The following CACNA1A variants were observed in gnomAD, a reference collection of about 807,000 sequenced individuals.
CACNA1A encodes calcium voltage-gated channel subunit alpha1 A, also known as voltage-dependent P/Q-type calcium channel subunit alpha-1A.
In CACNA1A, 57 loss-of-function variants were observed where a neutral mutation model predicts 262.4. The observed-to-expected ratio is 0.22, with a 90% confidence interval of 0.18 to 0.27. CACNA1A has a LOEUF of 0.27. CACNA1A is among the 10% of genes least tolerant of loss of function. The pLI is 1.00. For synonymous variants in CACNA1A, 1,431 were observed against 1,419.3 expected (o/e 1.01, Z -0.18); for missense variants, 2,526 against 3,562.8 (o/e 0.71, Z 7.41).
chr19:13,262,864 G>C lies in CACNA1A; in HGVS notation c.3990-31C>G, dbSNP rs368606360. On this transcript the variant is annotated intron_variant, in intron 24 of 46. Transcript: ENST00000360228. ...GAGGAATGTTTAGGTGGGAAGAAGG[G>C]AAGAGAGGAAGCAGAGGTCAGGTTG... 2.7e-6 allele frequency: 4 copies of C among 1,491,122 alleles called. No homozygotes were observed. The South Asian group carries it at 3.5e-5, about 13-fold the overall frequency. The allele number at this position is 1,491,122 out of a possible 1,614,324, so 92.4% of individuals were successfully genotyped here.
intron 17 of CACNA1A, among the ~76,000 whole-genome samples, chr19:13,302,214 C>T (rs904216968): frequency 1.3e-5 from 2 of 152,194 alleles, no homozygotes; most frequent in South Asian, 4.1e-4. Context: ...AATTCCAACT[C>T]TCCCTGACTT....
intron 30 of CACNA1A, among the ~76,000 whole-genome samples, chr19:13,248,991 C>T (rs550305480): frequency 1.7e-4 from 26 of 152,128 alleles, no homozygotes; most frequent in African/African-American, 6.0e-4. Flanking sequence ...TTTTTAGAGT[C>T]CGGGTCTTGT....
At chr19:13,363,122 C>T (rs1008034043) in intron 5 of CACNA1A, 1 of 152,216 alleles carries the variant, frequency 6.6e-6, no homozygotes, top group Non-Finnish European at 1.5e-5. Flanking sequence ...GCTTCCTCCC[C>T]TCTGGTGGCA....
chr19:13,208,660 A>G, intron 46 of CACNA1A, 96 bp downstream of exon 46: 1 of 1,387,670 alleles, frequency 7.2e-7, no homozygotes, highest in Admixed American at 2.7e-5. Context: ...GGATCCGGGG[A>G]CCTTTGCCTA....
chr19:13,213,672 CTTTTTTTTTTTT>C (rs3050829), intron 40 of CACNA1A: 32 of 87,684 alleles, frequency 3.6e-4, no homozygotes, highest in Admixed American at 1.7e-3. Flanking sequence ...TTGGCAAGAA[CTTTTTTTTTTTT>C]TTTTTTTTTT....
At chr19:13,216,793 C>G (rs1227158657) in intron 38 of CACNA1A, among the ~76,000 whole-genome samples, 12 of 152,084 alleles carry the variant, frequency 7.9e-5, no homozygotes, top group Admixed American at 7.2e-4. Flanking sequence ...CTCAAGCAAT[C>G]CACATTCTGA....
intron 1 of CACNA1A, among the ~76,000 whole-genome samples, chr19:13,472,703 C>A (rs986160550): frequency 1.3e-5 from 2 of 152,196 alleles, no homozygotes; most frequent in African/African-American, 2.4e-5. Flanking sequence ...TACCCCTGTA[C>A]TTCTAATTAT....
At chr19:13,405,667 A>C (rs1028854621) in intron 3 of CACNA1A, among the ~76,000 whole-genome samples, 4 of 152,332 alleles carry the variant, frequency 2.6e-5, no homozygotes, top group African/African-American at 9.6e-5. Context: ...TGAACAGATG[A>C]AACAAATGAG....
At chr19:13,487,946 C>T (rs1452169333) in intron 1 of CACNA1A, among the ~76,000 whole-genome samples, 2 of 151,986 alleles carry the variant, frequency 1.3e-5, no homozygotes, top group Admixed American at 6.6e-5. Flanking sequence ...GCTAGGACTA[C>T]AGGCATGCAC....
At chr19:13,310,552 C>T (rs1334151243) in intron 12 of CACNA1A, among the ~76,000 whole-genome samples, 1 of 120,272 alleles carries the variant, frequency 8.3e-6, no homozygotes, top group Non-Finnish European at 1.6e-5. Context: ...TCCACTTGAA[C>T]TTTGCATGAA....
intron 14 of CACNA1A, 123 bp from the exon 15 acceptor site, chr19:13,307,977 T>G: frequency 7.2e-7 from 1 of 1,384,436 alleles, no homozygotes; most frequent in South Asian, 1.3e-5. Context: ...AAACCCTGAG[T>G]GGTACCCAGG....
intron 1 of CACNA1A, among the ~76,000 whole-genome samples, chr19:13,493,102 T>G (rs1433321695): frequency 1.3e-5 from 2 of 152,192 alleles, no homozygotes; most frequent in African/African-American, 4.8e-5. Flanking sequence ...TGAGATTTCC[T>G]TCTATACACT....
chr19:13,228,603 GAGATAT>G (rs1401789287), intron 36 of CACNA1A: 1,782 of 218,682 alleles, frequency 8.1e-3, no homozygotes, highest in Middle Eastern at 0.042. Context: ...GAGAGAGAGA[GAGATAT>G]ATATATATAT....
rs535034308 is a variant in CACNA1A, at chr19:13,239,078, G to A, written c.4951-3348C>T. Among the ~76,000 whole-genome samples, 88 of 152,222 alleles carry A rather than the reference G, an allele frequency of 5.8e-4. 1 individual carries two copies. Among genetic ancestry groups the A allele is most frequent in the African/African-American group, 2.1e-3 (88 of 41,516 alleles). On this transcript the variant is annotated intron_variant, in intron 31 of 46. Coordinates refer to ENST00000360228, the MANE Select transcript of CACNA1A (RefSeq NM_001127222.2). ...CAAGCTGTTCCCTGCCCTGCAACCA[G>A]AGCGAGCTTGTCTAGTCACATGACC...
chr19:13,241,511 TA>T lies in CACNA1A; in HGVS notation c.4950+3670del. On this transcript the variant is annotated intron_variant, in intron 31 of 46. Coordinates refer to ENST00000360228, the MANE Select transcript of CACNA1A (RefSeq NM_001127222.2). The surrounding 1 kb of genome is among the most constrained non-coding windows in gnomAD (Gnocchi z 4.0). The stretch of plus-strand genomic sequence containing the variant: ...AAGGCATTTAGACTTCAGAAAGAAG[TA>T]AGACCAACCGGATTCTAGATGCAGA... 1 of 1,266,170 alleles carries T rather than the reference TA, an allele frequency of 7.9e-7. No individual in the cohort carries two copies. The highest frequency in any genetic ancestry group is 1.0e-6 in the Non-Finnish European group (1 of 976,404). 78.4% of individuals were successfully genotyped at this position (1,266,170 alleles called of 1,614,324 possible). A position where few individuals can be genotyped will look rare whatever the true frequency, so the allele number is the denominator to read the frequency against.
At chr19:13,224,984 C>T (rs901845066) in intron 37 of CACNA1A, 1 of 477,010 alleles carries the variant, frequency 2.1e-6, no homozygotes, top group Non-Finnish European at 3.8e-6. Flanking sequence ...CTTCTGGTCC[C>T]CTGCCCTCTC....
chr19:13,334,554 T>TGC (rs2058525098), intron 7 of CACNA1A, 61 bp from the exon 8 acceptor site: 1 of 475,896 alleles, frequency 2.1e-6, no homozygotes, highest in Admixed American at 3.5e-5. Context: ...AACGTTTGTG[T>TGC]GTGTGTTTGT....
At chr19:13,255,007 G>T in intron 29 of CACNA1A, 88 bp downstream of exon 29, 1 of 1,406,218 alleles carries the variant, frequency 7.1e-7, no homozygotes, top group East Asian at 2.3e-5. Context: ...GTCTGTCTGG[G>T]AAACTGCAGA....
At chr19:13,298,132 A>G (rs1480744734) in intron 19 of CACNA1A, among the ~76,000 whole-genome samples, 1 of 107,880 alleles carries the variant, frequency 9.3e-6, no homozygotes, top group Non-Finnish European at 1.8e-5. Flanking sequence ...CAAATACAGC[A>G]CTTTTTTTTT....
Sources: allele counts gnomAD v4.1 joint callset (sites outside exome capture counted in the v4.1 genomes callset), GRCh38; gene constraint gnomAD v4.1.1; non-coding constraint Gnocchi (gnomAD v3.1); transcripts MANE v1.5; gene names NCBI Gene and HGNC (gene_info 2026-07-23, HGNC 2026-07-21).